Variants in CRTAC1 observed in about 807,000 individuals in gnomAD.
CRTAC1 encodes the protein cartilage acidic protein 1.
Under a neutral mutation model 67.8 loss-of-function variants are expected in CRTAC1, and 37 were observed. The ratio of observed to expected loss-of-function variants is 0.55; its 90% confidence interval spans 0.42 to 0.72. The LOEUF is 0.72. CRTAC1 is among the 30% of genes least tolerant of loss of function. The pLI is 0.00. For synonymous variants in CRTAC1, 348 were observed against 371.0 expected, an observed-to-expected ratio of 0.94 and a Z score of 0.71; for missense variants, 780 against 931.6, an observed-to-expected ratio of 0.84 and a Z score of 2.12.
At chr10:97,960,795 A>G (rs1430932849) in intron 2 of CRTAC1, among the ~76,000 whole-genome samples, 1 of 152,208 alleles carries the variant, frequency 6.6e-6, no homozygotes, top group African/African-American at 2.4e-5. Context: ...CTAAAACAAA[A>G]ATAAACTATG....
rs1355147359 is a variant in CRTAC1, at chr10:97,975,358, CAA to C, written c.224+35778_224+35779del. Reference sequence around the variant, plus strand: ...TGACCCGCCTCCTGGCTGGAGGGTTCAAAAGACTTCAGACCTCCGGGGCCCTG... The same window carrying C: ...TGACCCGCCTCCTGGCTGGAGGGTTCAAGACTTCAGACCTCCGGGGCCCTG... On this transcript the variant is annotated intron_variant, in intron 2 of 14. Coordinates refer to ENST00000370597, the MANE Select transcript of CRTAC1 (RefSeq NM_018058.7). This position sits in a 1 kb window ranked among gnomAD's most constrained non-coding sequence, Gnocchi z 4.8. Among the ~76,000 whole-genome samples the C allele has an allele frequency of 6.6e-6, 1 of 151,892 alleles. No homozygotes were observed. The highest frequency in any genetic ancestry group is 2.4e-5 in the African/African-American group (1 of 41,360).
intron 2 of CRTAC1, among the ~76,000 whole-genome samples, chr10:98,009,002 G>A (rs535935632): frequency 1.3e-5 from 2 of 152,292 alleles, no homozygotes; most frequent in East Asian, 3.9e-4. Flanking sequence ...TGGACTTAGT[G>A]AGGAGGGTGT....
chr10:97,978,661 C>T (rs2051844865), intron 2 of CRTAC1, among the ~76,000 whole-genome samples: 1 of 152,182 alleles, frequency 6.6e-6, no homozygotes, highest in Admixed American at 6.5e-5. Flanking sequence ...CTCCCAGGTC[C>T]TTGAGGGCTA....
rs1366789650 is a variant in CRTAC1 at position 98,029,420 on chromosome 10, T to C, written c.24+1029A>G. On this transcript the variant is annotated intron_variant, in intron 1 of 14. Coordinates refer to ENST00000370597, the MANE Select transcript of CRTAC1 (RefSeq NM_018058.7). This position sits in a 1 kb window ranked among gnomAD's most constrained non-coding sequence, Gnocchi z 4.7. ...ACCTCAAGTGCAACTCAAGAATGTGTCCTGTCAGGAGAACGGAAGCATCTC... is the reference window on the plus strand; with the variant it reads ...ACCTCAAGTGCAACTCAAGAATGTGCCCTGTCAGGAGAACGGAAGCATCTC... Among the ~76,000 whole-genome samples the C allele has an allele frequency of 6.6e-6, 1 of 151,884 alleles. No homozygotes were observed. The highest frequency in any genetic ancestry group is 1.5e-5 in the Non-Finnish European group (1 of 67,970).
intron 2 of CRTAC1, among the ~76,000 whole-genome samples, chr10:97,959,830 G>A (rs561958837): frequency 2.0e-5 from 3 of 152,280 alleles, no homozygotes; most frequent in South Asian, 2.1e-4. Flanking sequence ...TCCCTATTGA[G>A]GTTAATAGGG....
intron 8 of CRTAC1, among the ~76,000 whole-genome samples, chr10:97,899,433 C>T (rs192761740): frequency 3.2e-4 from 49 of 152,252 alleles, no homozygotes; most frequent in African/African-American, 1.1e-3. Flanking sequence ...GCTGGATGGG[C>T]AGGATGGGCA....
At chr10:97,960,171 G>A (rs1359067119) in intron 2 of CRTAC1, among the ~76,000 whole-genome samples, 1 of 152,242 alleles carries the variant, frequency 6.6e-6, no homozygotes, top group Non-Finnish European at 1.5e-5. Context: ...CTTGCAAGCA[G>A]GTCTTTCTGG....
intron 7 of CRTAC1, 123 bp downstream of exon 7, chr10:97,904,546 A>G: frequency 1.2e-6 from 1 of 843,378 alleles, no homozygotes; most frequent in Non-Finnish European, 1.7e-6. Flanking sequence ...CAGCTACCGG[A>G]GTAGCTGGGA....
chr10:97,958,045 C>T (rs1170759889), intron 2 of CRTAC1, among the ~76,000 whole-genome samples: 2 of 152,168 alleles, frequency 1.3e-5, no homozygotes, highest in Non-Finnish European at 2.9e-5. Flanking sequence ...GGATACCCCA[C>T]ATCTCGTTTG....
intron 2 of CRTAC1, among the ~76,000 whole-genome samples, chr10:97,990,110 G>T (rs948870386): frequency 2.6e-5 from 4 of 152,186 alleles, no homozygotes; most frequent in South Asian, 2.1e-4. Context: ...CCATATAATG[G>T]TAGCTGTACT....
intron 2 of CRTAC1, among the ~76,000 whole-genome samples, chr10:97,941,984 T>C (rs1463168515): frequency 1.3e-5 from 2 of 152,148 alleles, no homozygotes; most frequent in African/African-American, 4.8e-5. Context: ...TTCTGGCAAG[T>C]GCTTCCCAAC....
At chr10:97,939,922 C>T (rs2051147832) in intron 2 of CRTAC1, among the ~76,000 whole-genome samples, 1 of 152,202 alleles carries the variant, frequency 6.6e-6, no homozygotes, top group East Asian at 1.9e-4. Flanking sequence ...GTTCCAACAT[C>T]ACTTTCCTCA....
rs577721807 is a variant in CRTAC1 at position 98,009,303 on chromosome 10, C to T, written c.224+1835G>A. On this transcript the variant is annotated intron_variant, in intron 2 of 14. Transcript: ENST00000370597. ...GTAGCTACGTGTGGCTGGTGGATTCCATACTGGACAGCACCAACACAGAAC... is the reference window on the plus strand; with the variant it reads ...GTAGCTACGTGTGGCTGGTGGATTCTATACTGGACAGCACCAACACAGAAC... Among the ~76,000 whole-genome samples the T allele has an allele frequency of 6.4e-3, 976 of 152,252 alleles. 4 individuals carry two copies. The highest frequency in any genetic ancestry group is 0.016 in the South Asian group (78 of 4,824).
At position 97,891,454 on chromosome 10, in the gene CRTAC1, C is replaced by T. The variant is rs146953839; in HGVS notation, c.1486+3791G>A. Reference sequence around the variant, plus strand: ...AGACCTAATTCCAGTCCCACTTCCTCTGGGAAGCTGCCCAGAACAAAACTG... The same window carrying T: ...AGACCTAATTCCAGTCCCACTTCCTTTGGGAAGCTGCCCAGAACAAAACTG... On this transcript the variant is annotated intron_variant, in intron 11 of 14. Transcript: ENST00000370597. Among the ~76,000 whole-genome samples the T allele has an allele frequency of 2.1e-3, 318 of 152,376 alleles. 2 individuals carry two copies. Among genetic ancestry groups the T allele is most frequent in the Admixed American group, 3.7e-3 (57 of 15,310 alleles).
At chr10:97,971,548 T>C (rs1489793467) in intron 2 of CRTAC1, among the ~76,000 whole-genome samples, 1 of 152,102 alleles carries the variant, frequency 6.6e-6, no homozygotes, top group Non-Finnish European at 1.5e-5. Context: ...AAGTTACAGT[T>C]TGGAAAGATG....
chr10:97,961,468 T>A (rs187401410), intron 2 of CRTAC1, among the ~76,000 whole-genome samples: 45 of 152,302 alleles, frequency 3.0e-4, no homozygotes, highest in Middle Eastern at 3.4e-3. Flanking sequence ...TATAATTTTT[T>A]AAAAAAATCA....
chr10:97,996,620 T>C (rs2136678533), intron 2 of CRTAC1, among the ~76,000 whole-genome samples: 1 of 152,292 alleles, frequency 6.6e-6, no homozygotes, highest in South Asian at 2.1e-4. Flanking sequence ...ATAGGAACAC[T>C]TTTACACTGT....
At chr10:97,956,981 A>ATT (rs56688088) in intron 2 of CRTAC1, among the ~76,000 whole-genome samples, 1,668 of 139,866 alleles carry the variant, frequency 0.012, 36 homozygotes, top group African/African-American at 0.041. Context: ...TAATACTTGT[A>ATT]TTTTTTTTTT....
At position 98,011,139 on chromosome 10, in the gene CRTAC1, C is replaced by T. The variant is rs1184277736; in HGVS notation, c.223G>A (p.Gly75Arg). ...ACACTGAGGGTGGGAGGCACTTACC[C>T]CGCCACGACGATCTCAAAGTCCCCA... ...HDGDFEIVVA[G>R]YNGPNLVLKY... Residue 75 changes from glycine to arginine, a missense_variant and splice_region_variant, in exon 2 of 15, where the codon GGG becomes AGG. Transcript: ENST00000370597. 6.2e-7 allele frequency: 1 copy of T among 1,613,788 alleles called. No individual in the cohort carries two copies. Among genetic ancestry groups the T allele is most frequent in the Non-Finnish European group, 8.5e-7 (1 of 1,179,820 alleles).
Sources: gnomAD v4.1 joint callset for allele counts (sites outside exome capture counted in the v4.1 genomes callset) on GRCh38, gnomAD v4.1.1 for gene constraint, Gnocchi (gnomAD v3.1) non-coding constraint, MANE v1.5 for transcripts, NCBI Gene and HGNC (gene_info 2026-07-23, HGNC 2026-07-21) for gene names.